Variants in TANC1 observed in about 807,000 individuals in gnomAD.
TANC1 encodes protein TANC1.
TANC1 carries 77 observed loss-of-function variants against 149.7 expected under a neutral mutation model. The observed-to-expected ratio is 0.51, with a 90% CI of 0.43 to 0.62. The LOEUF (loss-of-function observed/expected upper bound fraction) is 0.62. Ranked by LOEUF, TANC1 falls within the 20% of genes least tolerant of loss-of-function variation. The probability of loss-of-function intolerance (pLI) is 0.00; values close to 1 mark genes in which losing one functional copy is unlikely to be tolerated. For missense variants in TANC1, 1,985 were observed against 2,321.8 expected, an observed-to-expected ratio of 0.85 and a Z score of 2.98; for synonymous variants, 854 against 925.0, an observed-to-expected ratio of 0.92 and a Z score of 1.39.
intron 2 of TANC1, among the ~76,000 whole-genome samples, chr2:159,035,206 GT>G (rs1000026489): frequency 2.0e-5 from 3 of 151,752 alleles, no homozygotes; most frequent in Admixed American, 6.6e-5. Context: ...TCTCTATGAA[GT>G]TTTTTTTTGA....
chr2:159,221,001 T>C (rs537095243), intron 22 of TANC1, among the ~76,000 whole-genome samples: 2 of 152,334 alleles, frequency 1.3e-5, no homozygotes, highest in African/African-American at 4.8e-5. Context: ...ATCACCCAAA[T>C]AGTATTTCTT....
chr2:159,159,715 T>TGAGAGAGA (rs1221978334), intron 7 of TANC1, among the ~76,000 whole-genome samples: 4 of 63,158 alleles, frequency 6.3e-5, no homozygotes, highest in South Asian at 6.8e-4. Flanking sequence ...TGTGTGTGTG[T>TGAGAGAGA]GTGAGAGAGA....
At chr2:159,105,088 A>G (rs1334810979) in intron 4 of TANC1, among the ~76,000 whole-genome samples, 1 of 117,822 alleles carries the variant, frequency 8.5e-6, no homozygotes, top group Non-Finnish European at 1.7e-5. Context: ...TCCGCCTCCC[A>G]GGTTCACGCC....
chr2:159,073,011 C>T (rs1239983188), intron 3 of TANC1, among the ~76,000 whole-genome samples: 2 of 152,184 alleles, frequency 1.3e-5, no homozygotes, highest in African/African-American at 4.8e-5. Context: ...ATGTATTTTA[C>T]CTTTTAACCT....
rs79814297 is a variant in TANC1, at chr2:159,178,375, T to C, written c.1903-181T>C. Among the ~76,000 whole-genome samples, 855 of 152,354 alleles carry C rather than the reference T, an allele frequency of 5.6e-3. 9 individuals are homozygous for C. The highest frequency in any genetic ancestry group is 0.019 in the African/African-American group (799 of 41,572). On this transcript the variant is annotated intron_variant, in intron 13 of 26. Transcript: ENST00000263635. ...TGATTCCATCTCCCATCAGGATTTC[T>C]TTCACATAAGCTTTTTATCTTCACC...
intron 1 of TANC1, among the ~76,000 whole-genome samples, chr2:158,994,075 A>AG (rs1467633321): frequency 6.6e-6 from 1 of 152,160 alleles, no homozygotes; most frequent in African/African-American, 2.4e-5. Context: ...TTCACTTTCC[A>AG]GGGGGGGATT....
At position 159,150,248 on chromosome 2, in the gene TANC1, AT is replaced by A. The variant is rs111498713; in HGVS notation, c.496-112del. ...TATCTATACACACATATCTCTTTAG[AT>A]TTTTTTTTTAAAACTTCCGTTTTCC... On this transcript the variant is annotated intron_variant, in intron 6 of 26. Coordinates refer to ENST00000263635, the MANE Select transcript of TANC1 (RefSeq NM_033394.3). 2.2e-3 allele frequency: 1,531 copies of A among 690,638 alleles called. 3 individuals carry two copies. The highest frequency in any genetic ancestry group is 4.0e-3 in the Middle Eastern group (10 of 2,480). The allele number at this position is 690,638 out of a possible 1,614,324, so 42.8% of individuals were successfully genotyped here. A position where few individuals can be genotyped will look rare whatever the true frequency, so the allele number is the denominator to read the frequency against.
At chr2:159,146,519 T>C (rs1160586257) in intron 5 of TANC1, among the ~76,000 whole-genome samples, 6 of 149,782 alleles carry the variant, frequency 4.0e-5, no homozygotes, top group African/African-American at 1.2e-4. Flanking sequence ...TGATCATGAA[T>C]TTGGGTGTCC....
intron 19 of TANC1, among the ~76,000 whole-genome samples, chr2:159,206,114 G>A (rs1231944358): frequency 6.6e-6 from 1 of 152,220 alleles, no homozygotes; most frequent in Non-Finnish European, 1.5e-5. Context: ...CAACACGATG[G>A]GGAGTAAGCC....
At chr2:158,973,313 C>T (rs776950980) in intron 1 of TANC1, among the ~76,000 whole-genome samples, 2 of 152,112 alleles carry the variant, frequency 1.3e-5, no homozygotes, top group African/African-American at 2.4e-5. Flanking sequence ...CCTAGGGTTA[C>T]GTGCCAGTCA....
rs770167841 is a variant in TANC1, at chr2:159,175,196, C to T, written c.1735+12C>T. ...AAACCTGAGAAATGGTACTTCGCAGCAGCTACCCACAGCCCCATCTCAGTA... is the reference window on the plus strand; with the variant it reads ...AAACCTGAGAAATGGTACTTCGCAGTAGCTACCCACAGCCCCATCTCAGTA... On this transcript the variant is annotated intron_variant, in intron 12 of 26. Transcript: ENST00000263635. The T allele has an allele frequency of 6.9e-6, 11 of 1,597,810 alleles. No homozygotes were observed. Among genetic ancestry groups the T allele is most frequent in the Non-Finnish European group, 9.4e-6 (11 of 1,165,210 alleles).
At position 159,219,339 on chromosome 2, in the gene TANC1, C is replaced by T. The variant is rs752742796; in HGVS notation, c.3480C>T (p.Thr1160=). 25 of 1,613,724 alleles carry T rather than the reference C, an allele frequency of 1.5e-5. No individual in the cohort carries two copies. Among genetic ancestry groups the T allele is most frequent in the South Asian group, 8.8e-5 (8 of 91,048 alleles). ...MVAACEGHLS[T]VEFLLSKGAA... ...CTGCTTGTGAAGGGCACTTGAGCAC[C>T]GTGGAATTCCTCCTTTCAAAAGGTA... The change falls in exon 21 of 27, where the codon ACC becomes ACT. Residue 1160 remains threonine (T), a synonymous_variant. Transcript: ENST00000263635.
At chr2:159,203,720 C>G (rs1156757425) in intron 19 of TANC1, among the ~76,000 whole-genome samples, 1 of 150,642 alleles carries the variant, frequency 6.6e-6, no homozygotes, top group Non-Finnish European at 1.5e-5. Context: ...GCATGAGCCA[C>G]CACACCTGGC....
chr2:159,175,443 T>A (rs1422666042), intron 12 of TANC1, among the ~76,000 whole-genome samples: 1 of 152,190 alleles, frequency 6.6e-6, no homozygotes, highest in Non-Finnish European at 1.5e-5. Context: ...TCCAAAGTAG[T>A]CAGCTTGTAA....
intron 19 of TANC1, among the ~76,000 whole-genome samples, chr2:159,199,271 A>G (rs2058076644): frequency 6.6e-6 from 1 of 152,254 alleles, no homozygotes; most frequent in Non-Finnish European, 1.5e-5. Flanking sequence ...TTAACTGATT[A>G]TTTTGAATTA....
intron 4 of TANC1, among the ~76,000 whole-genome samples, chr2:159,102,005 A>G (rs1559262961): frequency 6.6e-6 from 1 of 152,162 alleles, no homozygotes; most frequent in Non-Finnish European, 1.5e-5. Context: ...CAGTTTTGAA[A>G]ACTTCTCTGC....
intron 4 of TANC1, among the ~76,000 whole-genome samples, chr2:159,103,835 T>C (rs1178964621): frequency 1.0e-5 from 1 of 97,210 alleles, no homozygotes; most frequent in Non-Finnish European, 2.9e-5. Flanking sequence ...TCTTCTCTTA[T>C]GTCAGCCAGC....
At chr2:159,088,534 A>G (rs562985588) in intron 3 of TANC1, among the ~76,000 whole-genome samples, 71 of 152,206 alleles carry the variant, frequency 4.7e-4, no homozygotes, top group East Asian at 1.9e-3. Context: ...TTAATAGTCT[A>G]TAGTATAGAT....
At chr2:159,219,969 C>T (rs1047449576) in intron 22 of TANC1, 102 bp downstream of exon 22, 36 of 963,486 alleles carry the variant, frequency 3.7e-5, no homozygotes, top group Non-Finnish European at 5.5e-5. Context: ...GTCTCAGTGT[C>T]ATCAGAGAGT....
Sources: gnomAD v4.1 joint callset for allele counts (sites outside exome capture counted in the v4.1 genomes callset) on GRCh38, gnomAD v4.1.1 for gene constraint, MANE v1.5 for transcripts, NCBI Gene and HGNC (gene_info 2026-07-23, HGNC 2026-07-21) for gene names.